Variants in RIF1 observed in about 807,000 individuals in gnomAD.
RIF1 encodes telomere-associated protein RIF1.
Under a neutral mutation model 247.1 loss-of-function variants are expected in RIF1, and 45 were observed. The observed-to-expected ratio is 0.18, with a 90% confidence interval of 0.14 to 0.23. The LOEUF (loss-of-function observed/expected upper bound fraction) is 0.23, where lower values mean the gene tolerates loss of function less well. Among genes scored for constraint, RIF1 ranks in the 10% least tolerant of loss-of-function variants. The pLI, the probability that RIF1 is intolerant of heterozygous loss-of-function variation, is 1.00. For synonymous variants in RIF1, 1,087 were observed against 978.8 expected (o/e 1.11, Z -2.06); for missense variants, 2,967 against 2,862.5 (o/e 1.04, Z -0.83).
intron 10 of RIF1, chr2:151,497,341 G>T: frequency 9.2e-6 from 9 of 982,084 alleles, no homozygotes; most frequent in Non-Finnish European, 1.1e-5. Flanking sequence ...GAGGATTTGA[G>T]ACAGTTAGAA....
rs1241544899 is a variant in RIF1 at position 151,451,505 on chromosome 2, A to T, written c.2245-101A>T. 4 of 685,370 alleles carry T rather than the reference A, an allele frequency of 5.8e-6. No individual in the cohort carries two copies. The African/African-American group carries it at 7.1e-5, about 12-fold the overall frequency. 42.5% of individuals were successfully genotyped at this position (685,370 alleles called of 1,614,324 possible). A position where few individuals can be genotyped will look rare whatever the true frequency, so the allele number is the denominator to read the frequency against. On this transcript the variant is annotated intron_variant, in intron 20 of 35. Coordinates refer to ENST00000444746, the MANE Select transcript of RIF1 (RefSeq NM_018151.5). Reference sequence around the variant, plus strand: ...AGCTGTGGCATGTGTGTTACATAGGATATATGGGAGTAACAGTCTTATATT... The same window carrying T: ...AGCTGTGGCATGTGTGTTACATAGGTTATATGGGAGTAACAGTCTTATATT...
chr2:151,526,275 G>GA, the RIF1 span: 1 of 1,565,086 alleles, frequency 6.4e-7, no homozygotes, highest in African/African-American at 1.3e-5. Context: ...TCAGGGGCAG[G>GA]AAAAGGGGCA....
At chr2:151,526,381 G>A in the RIF1 span, 2 of 731,348 alleles carry the variant, frequency 2.7e-6, no homozygotes, top group Admixed American at 4.9e-5. Flanking sequence ...TAAAAGATGT[G>A]ATACTTGCAA....
At chr2:151,510,091 A>T (rs2072923196), downstream of RIF1, among the ~76,000 whole-genome samples, 1 of 152,188 alleles carries the variant, frequency 6.6e-6, no homozygotes, top group African/African-American at 2.4e-5. Context: ...CTGAGTTCTG[A>T]AGACCTTCCT....
chr2:151,490,027 CTGA>C lies in RIF1; in HGVS notation c.*416-5201_*416-5199del, dbSNP rs1553519071. 6.2e-7 allele frequency: 1 copy of C among 1,613,562 alleles called. No homozygotes were observed. Among genetic ancestry groups the C allele is most frequent in the Non-Finnish European group, 8.5e-7 (1 of 1,179,684 alleles). On this transcript the variant is annotated intron_variant and NMD_transcript_variant, in intron 9 of 13. Coordinates refer to the RIF1 transcript ENST00000454583. Reference sequence around the variant, plus strand: ...GATACCGTTGTCTGTTGGGTAGCAACTGAAGATGATCGTTGTTGTGGGAGCTCT... The same window carrying C: ...GATACCGTTGTCTGTTGGGTAGCAACAGATGATCGTTGTTGTGGGAGCTCT...
At chr2:151,508,047 TG>T, downstream of RIF1, 1 of 1,611,268 alleles carries the variant, frequency 6.2e-7, no homozygotes, top group Non-Finnish European at 8.5e-7. Flanking sequence ...TCTGTATCTC[TG>T]GGGTGTCCAA....
chr2:151,464,393 A>G lies in RIF1; in HGVS notation c.4873A>G (p.Ser1625Gly), dbSNP rs1361040137. ...TCCGATTTGCGAAAAACAAGATGAA[A>G]GTAATACTGTAATATGTCAGGATTC... The part of the protein sequence containing the change: ...KSPICEKQDE[S>G]NTVICQDSTV... Residue 1625 changes from serine (S) to glycine (G), a missense_variant, in exon 30 of 36, where the codon AGT becomes GGT. Coordinates refer to ENST00000444746, the MANE Select transcript of RIF1 (RefSeq NM_018151.5). 1.2e-6 allele frequency: 2 copies of G among 1,612,304 alleles called. No individual in the cohort carries two copies. Among genetic ancestry groups the G allele is most frequent in the Admixed American group, 3.4e-5 (2 of 59,670 alleles).
intron 34 of RIF1, among the ~76,000 whole-genome samples, chr2:151,470,722 G>T (rs926023421): frequency 3.9e-5 from 6 of 152,098 alleles, no homozygotes; most frequent in Non-Finnish European, 8.8e-5. Flanking sequence ...GACTTCTGCT[G>T]TATTCTTGAA....
intron 35 of RIF1, 136 bp from the exon 36 acceptor site, chr2:151,474,721 G>T: frequency 3.2e-6 from 2 of 629,286 alleles, no homozygotes; most frequent in South Asian, 1.9e-5. Context: ...ATTTTTTTGT[G>T]TGCTTGTCCT....
At chr2:151,438,078 A>C (rs1358709540) in intron 13 of RIF1, among the ~76,000 whole-genome samples, 2 of 152,244 alleles carry the variant, frequency 1.3e-5, no homozygotes, top group Non-Finnish European at 2.9e-5. Flanking sequence ...TCTCTGCCCC[A>C]AAAGTAGTGG....
intron 20 of RIF1, among the ~76,000 whole-genome samples, chr2:151,447,054 C>T (rs993105385): frequency 3.3e-5 from 5 of 151,714 alleles, no homozygotes; most frequent in African/African-American, 4.8e-5. Flanking sequence ...CGCCATTCTC[C>T]TGCCTCAGCC....
chr2:151,503,133 T>C (rs946899040), exon 12 of RIF1: 25 of 593,396 alleles, frequency 4.2e-5, no homozygotes, highest in East Asian at 8.4e-5. Flanking sequence ...ATTCTACTTA[T>C]AGTATTTCAA....
downstream of RIF1, chr2:151,485,759 C>T (rs748728868): frequency 1.2e-6 from 2 of 1,606,278 alleles, no homozygotes; most frequent in Non-Finnish European, 1.7e-6. Context: ...CTTTGAAATG[C>T]CTAAATAGCT....
Position 151,463,876 on chromosome 2 carries a change from G to A in RIF1, c.4356G>A (p.Gln1452=), listed in dbSNP as rs1196598169. 4 of 1,613,444 alleles carry A rather than the reference G, an allele frequency of 2.5e-6. No individual in the cohort carries two copies. Among genetic ancestry groups the A allele is most frequent in the Non-Finnish European group, 2.5e-6 (3 of 1,179,888 alleles). Residue 1452 remains glutamine, a synonymous_variant, in exon 30 of 36, where the codon CAG becomes CAA. Coordinates refer to ENST00000444746, the MANE Select transcript of RIF1 (RefSeq NM_018151.5). ...GTAAGGAAGAAGAAAAACCTCTTCA[G>A]AAGAGTCCATTGCATATAAAAGATG... The part of the protein sequence containing the change: ...ERRKEEEKPL[Q]KSPLHIKDDV...
chr2:151,501,824 CAAAG>C (rs774350002), intron 11 of RIF1, among the ~76,000 whole-genome samples: 9 of 151,394 alleles, frequency 5.9e-5, no homozygotes, highest in Non-Finnish European at 1.2e-4. Flanking sequence ...ATTAGGGAAC[CAAAG>C]AAAGAGGAGA....
At chr2:151,515,237 T>C in the RIF1 span, among the ~76,000 whole-genome samples, 3 of 152,204 alleles carry the variant, frequency 2.0e-5, no homozygotes, top group Non-Finnish European at 4.4e-5. Context: ...AATCCTCTGT[T>C]GTCTCTTCTG....
rs557849903 is a variant in RIF1 at position 151,479,902 on chromosome 2, G to C, written c.*4831G>C. The C allele has an allele frequency of 1.3e-5, 2 of 152,266 alleles. No homozygotes were observed. Among genetic ancestry groups the C allele is most frequent in the East Asian group, 1.9e-4 (1 of 5,184 alleles). The allele number at this position is 152,266 out of a possible 1,614,324, so 9.4% of individuals were successfully genotyped here. On this transcript the variant is annotated 3_prime_UTR_variant, in exon 36 of 36. Coordinates refer to ENST00000444746, the MANE Select transcript of RIF1 (RefSeq NM_018151.5). ...TGGGTTTCGTGCTTTCTGATGTCCA[G>C]TTAATAAGTATATTATGTGCCAGGC...
intron 34 of RIF1, among the ~76,000 whole-genome samples, chr2:151,471,584 A>G (rs907637114): frequency 2.6e-5 from 4 of 152,216 alleles, no homozygotes; most frequent in African/African-American, 9.6e-5. Flanking sequence ...AGCTTTCTAC[A>G]TATGGCTAGC....
chr2:151,529,223 T>G, the RIF1 span: 1 of 1,611,412 alleles, frequency 6.2e-7, no homozygotes, highest in African/African-American at 1.3e-5. Flanking sequence ...GGTGTTGACT[T>G]TGTAGGCGTC....
Sources: gnomAD v4.1 joint callset for allele counts (sites outside exome capture counted in the v4.1 genomes callset) on GRCh38, gnomAD v4.1.1 for gene constraint, MANE v1.5 for transcripts, NCBI Gene and HGNC (gene_info 2026-07-23, HGNC 2026-07-21) for gene names.